Variants in FBXW7 observed in about 807,000 individuals in gnomAD.
FBXW7 encodes F-box/WD repeat-containing protein 7.
A neutral mutation model predicts 86.3 loss-of-function variants in FBXW7; 11 were observed. That is an observed-to-expected ratio of 0.13 (90% confidence interval 0.08 to 0.21). The LOEUF is 0.21. FBXW7 is among the 10% of genes least tolerant of loss of function. FBXW7 has a pLI of 1.00. For synonymous variants in FBXW7, 313 were observed against 297.9 expected, an observed-to-expected ratio of 1.05 and a Z score of -0.52; for missense variants, 488 against 847.4, an observed-to-expected ratio of 0.58 and a Z score of 5.27.
At chr4:152,428,054 C>G (rs751550504) in intron 2 of FBXW7, among the ~76,000 whole-genome samples, 8 of 152,122 alleles carry the variant, frequency 5.3e-5, no homozygotes, top group African/African-American at 1.7e-4. Flanking sequence ...TACACCCTTT[C>G]CCATGGAACC....
chr4:152,426,550 C>T (rs1007110324), intron 2 of FBXW7, among the ~76,000 whole-genome samples: 1 of 152,030 alleles, frequency 6.6e-6, no homozygotes, highest in African/African-American at 2.4e-5. Context: ...GGAGTGTCAC[C>T]ATATTGGTCA....
chr4:152,473,281 T>C (rs574628384), intron 2 of FBXW7, among the ~76,000 whole-genome samples: 2 of 152,208 alleles, frequency 1.3e-5, no homozygotes, highest in South Asian at 4.1e-4. Flanking sequence ...AATGCTTTCC[T>C]AGACAGACTC....
At chr4:152,328,605 T>C (rs1314059221) in intron 10 of FBXW7, 3 of 376,548 alleles carry the variant, frequency 8.0e-6, no homozygotes, top group African/African-American at 2.1e-5. Context: ...ATTGTGTATG[T>C]AGTATGTAGA....
intron 2 of FBXW7, among the ~76,000 whole-genome samples, chr4:152,437,192 C>G (rs1049071986): frequency 6.6e-6 from 1 of 152,190 alleles, no homozygotes; most frequent in African/African-American, 2.4e-5. Context: ...TCAACATCAA[C>G]AGGAGTTTGG....
At chr4:152,348,763 C>A in intron 5 of FBXW7, 2 of 986,200 alleles carry the variant, frequency 2.0e-6, no homozygotes, top group South Asian at 1.5e-5. Flanking sequence ...GCAAATTTCT[C>A]ATCCAAGAAA....
In FBXW7 at chr4:152,483,326, G is replaced by A. The variant is rs753319396; in HGVS notation, c.-120+51615C>T. ...CTAGATAGTCTGATCTTGTTAAAATGTTTTCTCTCACAGAATTCCATTGTA... is the reference window on the plus strand; with the variant it reads ...CTAGATAGTCTGATCTTGTTAAAATATTTTCTCTCACAGAATTCCATTGTA... On this transcript the variant is annotated intron_variant, in intron 2 of 13. Coordinates refer to ENST00000281708, the MANE Select transcript of FBXW7 (RefSeq NM_001349798.2). 4.7e-4 allele frequency among the ~76,000 whole-genome samples: 70 copies of A among 150,182 alleles called. 1 individual carries two copies. The highest frequency in any genetic ancestry group is 6.9e-3 in the Middle Eastern group (2 of 288).
intron 2 of FBXW7, among the ~76,000 whole-genome samples, chr4:152,460,097 C>A (rs955177204): frequency 6.6e-6 from 1 of 152,148 alleles, no homozygotes; most frequent in Admixed American, 6.5e-5. Context: ...GCAACTGTGC[C>A]ACCAAATTGT....
chr4:152,496,680 G>GA (rs1579354348), intron 2 of FBXW7, among the ~76,000 whole-genome samples: 1 of 151,854 alleles, frequency 6.6e-6, no homozygotes, highest in South Asian at 2.1e-4. Flanking sequence ...AAAGAAAAAA[G>GA]AAAAAAATAG....
At chr4:152,519,319 T>A (rs59367428) in intron 2 of FBXW7, among the ~76,000 whole-genome samples, 1 of 149,764 alleles carries the variant, frequency 6.7e-6, no homozygotes, top group Non-Finnish European at 1.5e-5. Context: ...AATAAATAAA[T>A]AAAGAAAGAA....
chr4:152,448,077 C>T (rs764060145), intron 2 of FBXW7, among the ~76,000 whole-genome samples: 5 of 152,232 alleles, frequency 3.3e-5, no homozygotes, highest in African/African-American at 9.6e-5. Context: ...AAACTTGAAA[C>T]GAAGAAAACA....
At chr4:152,465,187 T>G (rs962402740) in intron 2 of FBXW7, among the ~76,000 whole-genome samples, 9 of 151,764 alleles carry the variant, frequency 5.9e-5, no homozygotes, top group Middle Eastern at 3.2e-3. Context: ...GGTACTTACC[T>G]TCAAGGAAAA....
intron 4 of FBXW7, among the ~76,000 whole-genome samples, chr4:152,368,033 AC>A (rs1398934216): frequency 1.3e-5 from 2 of 151,996 alleles, no homozygotes; most frequent in Middle Eastern, 3.2e-3. Flanking sequence ...AAGCTGAACA[AC>A]CTCTCAAGCT....
At chr4:152,482,259 T>G (rs962803031) in intron 2 of FBXW7, among the ~76,000 whole-genome samples, 3 of 152,230 alleles carry the variant, frequency 2.0e-5, no homozygotes, top group African/African-American at 7.2e-5. Flanking sequence ...AAAGTATTTC[T>G]AAACTAAGGC....
chr4:152,358,565 A>G (rs758186791), intron 4 of FBXW7, among the ~76,000 whole-genome samples: 1 of 152,106 alleles, frequency 6.6e-6, no homozygotes, highest in Non-Finnish European at 1.5e-5. Flanking sequence ...TAACAGCAGG[A>G]AGCCATAGAG....
chr4:152,434,927 T>C (rs1740238561), intron 2 of FBXW7, among the ~76,000 whole-genome samples: 1 of 148,148 alleles, frequency 6.8e-6, no homozygotes, highest in Admixed American at 6.8e-5. Context: ...GGTTCCTAAT[T>C]CTCTGTTCCC....
chr4:152,346,663 T>C (rs914546016), intron 6 of FBXW7: 5 of 396,830 alleles, frequency 1.3e-5, no homozygotes, highest in Non-Finnish European at 1.8e-5. Context: ...CTGTACCTAC[T>C]GGCAGTTAGT....
intron 6 of FBXW7, among the ~76,000 whole-genome samples, chr4:152,343,194 T>C (rs1364251970): frequency 6.6e-6 from 1 of 152,138 alleles, no homozygotes; most frequent in Non-Finnish European, 1.5e-5. Flanking sequence ...AGTACATAAA[T>C]AGCTTAATTC....
intron 2 of FBXW7, among the ~76,000 whole-genome samples, chr4:152,504,718 G>A (rs1016639052): frequency 6.6e-6 from 1 of 152,126 alleles, no homozygotes; most frequent in African/African-American, 2.4e-5. Context: ...AAATCTAAAG[G>A]AAGATCAATT....
intron 4 of FBXW7, among the ~76,000 whole-genome samples, chr4:152,354,284 A>ATATGTACTCAGCAGAAGTTAGTTATCT (rs1381160799): frequency 5.3e-5 from 8 of 152,068 alleles, no homozygotes; most frequent in Admixed American, 5.2e-4. Context: ...AACAATATGT[A>ATATGTACTCAGCAGAAGTTAGTTATCT]TATGTACTCA....
Sources: gnomAD v4.1 joint callset for allele counts (sites outside exome capture counted in the v4.1 genomes callset) on GRCh38, gnomAD v4.1.1 for gene constraint, MANE v1.5 for transcripts, NCBI Gene and HGNC (gene_info 2026-07-23, HGNC 2026-07-21) for gene names.